Variants in WDPCP observed in about 807,000 individuals in gnomAD.
WDPCP encodes the protein WD repeat-containing and planar cell polarity effector protein fritz homolog.
Under a neutral mutation model 93.1 loss-of-function variants are expected in WDPCP, and 71 were observed. That is an observed-to-expected ratio of 0.76 (90% CI 0.63 to 0.93). The LOEUF (loss-of-function observed/expected upper bound fraction) is 0.93. Among genes scored for constraint, WDPCP ranks in the 40% least tolerant of loss-of-function variants. The pLI is 0.00. For synonymous variants in WDPCP, 315 were observed against 315.0 expected, an observed-to-expected ratio of 1.00 and a Z score of 0.00; for missense variants, 844 against 887.4, an observed-to-expected ratio of 0.95 and a Z score of 0.62.
At chr2:63,793,481 C>T (rs1466161982) in intron 2 of WDPCP, among the ~76,000 whole-genome samples, 3 of 151,986 alleles carry the variant, frequency 2.0e-5, no homozygotes, top group African/African-American at 7.2e-5. Context: ...TGTAGTGGCC[C>T]ATACCCGTAA....
At chr2:63,711,157 T>A (rs1669256599) in intron 2 of WDPCP, among the ~76,000 whole-genome samples, 1 of 152,162 alleles carries the variant, frequency 6.6e-6, no homozygotes, top group Non-Finnish European at 1.5e-5. Flanking sequence ...TTATCTCTCC[T>A]GAGGCTGAAG....
intron 1 of WDPCP, among the ~76,000 whole-genome samples, chr2:63,575,758 T>C (rs573993066): frequency 2.0e-5 from 3 of 151,656 alleles, no homozygotes; most frequent in African/African-American, 4.8e-5. Flanking sequence ...ATTCAGCATA[T>C]ACAAACACAT....
intron 2 of WDPCP, chr2:63,717,772 T>C (rs1669358985): frequency 2.9e-6 from 1 of 348,880 alleles, no homozygotes; most frequent in Non-Finnish European, 5.5e-6. Flanking sequence ...AATTACTACA[T>C]AGTCCTATTT....
chr2:63,141,801 C>T (rs534575036), intron 17 of WDPCP, among the ~76,000 whole-genome samples: 17 of 152,142 alleles, frequency 1.1e-4, no homozygotes, highest in East Asian at 7.7e-4. Flanking sequence ...AATACCATTT[C>T]GATCTCGCTG....
chr2:63,150,661 A>G (rs1671827016), intron 17 of WDPCP, among the ~76,000 whole-genome samples: 1 of 152,196 alleles, frequency 6.6e-6, no homozygotes, highest in African/African-American at 2.4e-5. Flanking sequence ...AATTAACTGA[A>G]TTAAAACATA....
At chr2:63,135,031 G>A (rs1317327605) in intron 17 of WDPCP, among the ~76,000 whole-genome samples, 1 of 152,162 alleles carries the variant, frequency 6.6e-6, no homozygotes, top group Non-Finnish European at 1.5e-5. Flanking sequence ...GCTCAGGTGG[G>A]AGGATCACTT....
chr2:63,608,329 G>A (rs1709575662), intron 3 of WDPCP, among the ~76,000 whole-genome samples: 1 of 152,082 alleles, frequency 6.6e-6, no homozygotes, highest in Non-Finnish European at 1.5e-5. Context: ...TATGATGTTA[G>A]AAGTAAGTAA....
At chr2:63,333,642 C>G (rs1317336280) in intron 12 of WDPCP, among the ~76,000 whole-genome samples, 3 of 152,168 alleles carry the variant, frequency 2.0e-5, no homozygotes, top group Non-Finnish European at 4.4e-5. Flanking sequence ...TTAAATTTAC[C>G]TATAGCCCGG....
chr2:63,711,000 G>A (rs1669253808), intron 2 of WDPCP, among the ~76,000 whole-genome samples: 1 of 152,160 alleles, frequency 6.6e-6, no homozygotes, highest in Non-Finnish European at 1.5e-5. Context: ...GACAACAGCA[G>A]TTCAGAGAAG....
At chr2:63,677,514 G>T (rs969260572) in intron 2 of WDPCP, among the ~76,000 whole-genome samples, 1 of 144,170 alleles carries the variant, frequency 6.9e-6, no homozygotes. Flanking sequence ...GCCTATGCAC[G>T]TGACGATAAA....
chr2:63,453,182 G>A (rs1239472823), intron 6 of WDPCP, among the ~76,000 whole-genome samples: 2 of 152,160 alleles, frequency 1.3e-5, no homozygotes, highest in African/African-American at 4.8e-5. Flanking sequence ...GAAAATTTTT[G>A]CAATCTACTC....
chr2:63,574,391 A>T (rs6734648), intron 1 of WDPCP, among the ~76,000 whole-genome samples: 11 of 151,676 alleles, frequency 7.3e-5, no homozygotes, highest in African/African-American at 2.4e-4. Flanking sequence ...TTTACCCGAT[A>T]TCTGGCTGAA....
chr2:63,256,352 C>G (rs1045932749), intron 14 of WDPCP, among the ~76,000 whole-genome samples: 4 of 152,088 alleles, frequency 2.6e-5, no homozygotes, highest in African/African-American at 9.7e-5. Flanking sequence ...TAAAATAGAA[C>G]ATGATCCAGA....
chr2:63,626,507 T>G (rs925598121), intron 3 of WDPCP, among the ~76,000 whole-genome samples: 1 of 151,886 alleles, frequency 6.6e-6, no homozygotes, highest in East Asian at 1.9e-4. Context: ...AATAACCCCA[T>G]TAAAAAAGGA....
Position 63,552,718 on chromosome 2 carries a change from C to T in WDPCP, c.75+35479G>A, listed in dbSNP as rs115098586. The stretch of plus-strand genomic sequence containing the variant: ...GTGTGACTAAATGCCAAATAAAAGG[C>T]ACTAACAAAAAAGCTATAAATCACT... On this transcript the variant is annotated intron_variant, in intron 1 of 17. Transcript: ENST00000272321. 2.5e-3 allele frequency among the ~76,000 whole-genome samples: 376 copies of T among 152,150 alleles called. 2 individuals carry two copies. The highest frequency in any genetic ancestry group is 8.6e-3 in the African/African-American group (359 of 41,516).
At chr2:63,441,627 T>C (rs1697510510) in intron 6 of WDPCP, 1 of 151,856 alleles carries the variant, frequency 6.6e-6, no homozygotes, top group Non-Finnish European at 1.5e-5. Flanking sequence ...CACCAGATAA[T>C]TTGCAGTTAC....
chr2:63,402,029 A>G (rs1012748303), intron 10 of WDPCP, among the ~76,000 whole-genome samples: 2 of 152,032 alleles, frequency 1.3e-5, no homozygotes, highest in Non-Finnish European at 1.5e-5. Flanking sequence ...CATGTTTATT[A>G]CACAACTATT....
chr2:63,575,469 A>ACTGTATATACT (rs760952950), intron 1 of WDPCP, among the ~76,000 whole-genome samples: 5 of 16,314 alleles, frequency 3.1e-4, no homozygotes, highest in African/African-American at 8.8e-4. Context: ...GTATATATGC[A>ACTGTATATACT]GTATATACAG....
At chr2:63,343,403 T>G (rs1688986452) in intron 12 of WDPCP, among the ~76,000 whole-genome samples, 1 of 152,210 alleles carries the variant, frequency 6.6e-6, no homozygotes, top group Non-Finnish European at 1.5e-5. Flanking sequence ...CTACATGGAT[T>G]ACTAATGAGA....
Sources: gnomAD v4.1 joint callset for allele counts (sites outside exome capture counted in the v4.1 genomes callset) on GRCh38, gnomAD v4.1.1 for gene constraint, MANE v1.5 for transcripts, NCBI Gene and HGNC (gene_info 2026-07-23, HGNC 2026-07-21) for gene names.